Variants in DLST observed in about 807,000 individuals in gnomAD.
DLST encodes the protein dihydrolipoamide S-succinyltransferase.
A neutral mutation model predicts 53.1 loss-of-function variants in DLST; 17 were observed. That is an observed-to-expected ratio of 0.32 (90% confidence interval 0.22 to 0.48). The LOEUF (loss-of-function observed/expected upper bound fraction) is 0.48, where lower values mean the gene tolerates loss of function less well. DLST is among the 20% of genes least tolerant of loss of function. DLST has a pLI of 0.99. For synonymous variants in DLST, 206 were observed against 204.8 expected (o/e 1.01, Z -0.05); for missense variants, 512 against 583.9 (o/e 0.88, Z 1.27).
intron 14 of DLST, 108 bp from the exon 15 acceptor site, chr14:74,902,088 G>A (rs1884267608): frequency 8.1e-7 from 1 of 1,229,550 alleles, no homozygotes; most frequent in Non-Finnish European, 1.1e-6. Context: ...AACATCAATA[G>A]GAAAGGCTCT....
rs140084397 is a variant in DLST at position 74,891,964 on chromosome 14, A to G, written c.442+797A>G. On this transcript the variant is annotated intron_variant, in intron 7 of 14. Coordinates refer to ENST00000334220, the MANE Select transcript of DLST (RefSeq NM_001933.5). ...AGCACTAACCCTGGATATAATGTCCAGATGGGTGAAAAACAGAAACAAACA... is the reference window on the plus strand; with the variant it reads ...AGCACTAACCCTGGATATAATGTCCGGATGGGTGAAAAACAGAAACAAACA... 283 of 560,986 alleles carry G rather than the reference A, an allele frequency of 5.0e-4. No homozygotes were observed. The African/African-American group carries it at 5.4e-3, about 11-fold the overall frequency. 34.8% of individuals were successfully genotyped at this position (560,986 alleles called of 1,614,324 possible). A position where few individuals can be genotyped will look rare whatever the true frequency, so the allele number is the denominator to read the frequency against.
chr14:74,886,738 C>CTTTTCTTT (rs888899152), intron 3 of DLST, among the ~76,000 whole-genome samples: 2 of 151,692 alleles, frequency 1.3e-5, no homozygotes, highest in East Asian at 1.9e-4. Context: ...GTGTGTGTAC[C>CTTTTCTTT]TTTTCTTTTT....
At chr14:74,889,987 G>T (rs1883846609) in intron 6 of DLST, 35 bp downstream of exon 6, 2 of 1,599,494 alleles carry the variant, frequency 1.3e-6, no homozygotes, top group African/African-American at 2.7e-5. Context: ...AGCTTTTCAT[G>T]GGCTTCCCTT....
intron 2 of DLST, 89 bp from the exon 3 acceptor site, chr14:74,885,497 G>A: frequency 5.4e-6 from 7 of 1,292,980 alleles, no homozygotes; most frequent in African/African-American, 2.9e-5. Flanking sequence ...TCTGTCTCAG[G>A]GTTGGGGGTG....
intron 6 of DLST, among the ~76,000 whole-genome samples, 171 bp downstream of exon 6, chr14:74,890,123 ACT>A (rs1491547618): frequency 6.0e-5 from 8 of 132,974 alleles, no homozygotes; most frequent in African/African-American, 2.4e-4. Flanking sequence ...TTTACATTTA[ACT>A]TTTTTTTTTT....
At chr14:74,889,616 C>T (rs2140191160) in intron 5 of DLST, 1 of 537,726 alleles carries the variant, frequency 1.9e-6, no homozygotes, top group Admixed American at 3.4e-5. Context: ...GGTGATCTGC[C>T]CACCTCAGCC....
At chr14:74,889,386 T>TG (rs59692346) in intron 5 of DLST, 37 bp downstream of exon 5, 2 of 1,481,210 alleles carry the variant, frequency 1.4e-6, no homozygotes, top group Non-Finnish European at 1.8e-6. Flanking sequence ...TTTTTTTTTT[T>TG]TGAGACAGAG....
chr14:74,896,752 G>A (rs563120364), intron 10 of DLST, among the ~76,000 whole-genome samples: 12 of 152,306 alleles, frequency 7.9e-5, no homozygotes, highest in Non-Finnish European at 1.6e-4. Context: ...AAATTGAATT[G>A]GACTTTGAAA....
intron 6 of DLST, 91 bp from the exon 7 acceptor site, chr14:74,890,965 A>C: frequency 6.7e-7 from 1 of 1,502,918 alleles, no homozygotes; most frequent in Non-Finnish European, 9.0e-7. Context: ...GGCATGAGCC[A>C]CTGTGCCTGG....
In DLST at chr14:74,903,625, G is replaced by A. The variant is rs978088327; in HGVS notation, c.*1295G>A. The A allele has an allele frequency of 1.3e-5, 2 of 148,910 alleles. No homozygotes were observed. The highest frequency in any genetic ancestry group is 5.0e-5 in the African/African-American group (2 of 40,228). 9.2% of individuals were successfully genotyped at this position (148,910 alleles called of 1,614,324 possible). On this transcript the variant is annotated 3_prime_UTR_variant, in exon 15 of 15. Coordinates refer to ENST00000334220, the MANE Select transcript of DLST (RefSeq NM_001933.5). ...GGGGGTGGGGGAGGGGGGAAGGGGT[G>A]GGAGCCAATACTGAGTGCCTGCAGC...
Position 74,890,787 on chromosome 14 carries a change from C to T in DLST, c.331-269C>T, listed in dbSNP as rs954377443. 2.0e-5 allele frequency among the ~76,000 whole-genome samples: 3 copies of T among 152,126 alleles called. No individual in the cohort carries two copies. In the East Asian group the frequency reaches 5.8e-4, roughly 29 times the overall value. Reference sequence around the variant, plus strand: ...GAGTGCAGTGGCACGATATCGGCTCCACCTGCCAGGTTCAAGCGATTCTCG... The same window carrying T: ...GAGTGCAGTGGCACGATATCGGCTCTACCTGCCAGGTTCAAGCGATTCTCG... On this transcript the variant is annotated intron_variant, in intron 6 of 14. Coordinates refer to ENST00000334220, the MANE Select transcript of DLST (RefSeq NM_001933.5).
At chr14:74,901,505 G>A (rs1477630749) in intron 14 of DLST, among the ~76,000 whole-genome samples, 3 of 152,210 alleles carry the variant, frequency 2.0e-5, no homozygotes, top group Admixed American at 6.5e-5. Context: ...ACTGAGCTGA[G>A]GAGGCTTGTT....
chr14:74,893,002 C>G lies in DLST; in HGVS notation c.595+16C>G, dbSNP rs762558425. The G allele has an allele frequency of 1.9e-6, 3 of 1,605,754 alleles. No homozygotes were observed. The highest frequency in any genetic ancestry group is 2.2e-5 in the South Asian group (2 of 89,994). On this transcript the variant is annotated intron_variant, in intron 8 of 14. Coordinates refer to ENST00000334220, the MANE Select transcript of DLST (RefSeq NM_001933.5). ...GGCAAACCTGGTAGGCTTCCAACTC[C>G]CACATGTCATGTGGGAGAACATCTC...
rs28378670 is a variant in DLST, at chr14:74,893,463, G to A, written c.672+39G>A. The A allele has an allele frequency of 5.5e-4, 883 of 1,611,212 alleles. 2 individuals carry two copies. The African/African-American group carries it at 7.2e-3, about 13-fold the overall frequency. On this transcript the variant is annotated intron_variant, in intron 9 of 14. Coordinates refer to ENST00000334220, the MANE Select transcript of DLST (RefSeq NM_001933.5). ...GACCACTTTCAGGAAAGAGGCAGGGGGCAGTGTTGAGATTAGTGGAGTATG... is the reference window on the plus strand; with the variant it reads ...GACCACTTTCAGGAAAGAGGCAGGGAGCAGTGTTGAGATTAGTGGAGTATG...
chr14:74,900,913 T>TG (rs745675641), intron 13 of DLST, among the ~76,000 whole-genome samples, 153 bp from the exon 14 acceptor site: 2 of 152,050 alleles, frequency 1.3e-5, no homozygotes, highest in Non-Finnish European at 2.9e-5. Flanking sequence ...TTTATACAGA[T>TG]GGGGGTCTCA....
Position 74,889,099 on chromosome 14 carries a change from A to G in DLST, c.151A>G (p.Asn51Asp). 6.2e-7 allele frequency: 1 copy of G among 1,614,188 alleles called. No homozygotes were observed. Among genetic ancestry groups the G allele is most frequent in the South Asian group, 1.1e-5 (1 of 91,080 alleles). The change falls in exon 4 of 15, where the codon AAC becomes GAC. Residue 51 changes from asparagine to aspartate, a missense_variant. Transcript: ENST00000334220. Reference protein sequence around the residue: ...GYPNSRKVVINNSVFSVRFFR... With the variant: ...GYPNSRKVVIDNSVFSVRFFR... ...TAACGTGTGTTTCTTTTGTAGCATT[A>G]ACAACAGTGTCTTCAGTGTTCGCTT...
chr14:74,901,874 C>T (rs1245691617), intron 14 of DLST, among the ~76,000 whole-genome samples: 1 of 150,498 alleles, frequency 6.6e-6, no homozygotes, highest in South Asian at 2.1e-4. Context: ...ATTCTAACCC[C>T]AGAGAGAAGC....
intron 6 of DLST, among the ~76,000 whole-genome samples, chr14:74,890,662 T>C (rs1883872534): frequency 6.6e-6 from 1 of 152,216 alleles, no homozygotes; most frequent in Non-Finnish European, 1.5e-5. Flanking sequence ...TAGATGTTTG[T>C]GTGCAAGGCC....
chr14:74,885,146 A>AC (rs1011560444), intron 2 of DLST, among the ~76,000 whole-genome samples: 2 of 152,226 alleles, frequency 1.3e-5, no homozygotes, highest in African/African-American at 4.8e-5. Flanking sequence ...TCAAACCCAG[A>AC]CCAAACATCC....
Sources: allele counts gnomAD v4.1 joint callset (sites outside exome capture counted in the v4.1 genomes callset), GRCh38; gene constraint gnomAD v4.1.1; transcripts MANE v1.5; gene names NCBI Gene and HGNC (gene_info 2026-07-23, HGNC 2026-07-21).